WDFY3: variants seen among roughly 807,000 people sequenced by gnomAD.
The protein encoded by WDFY3 is WD repeat and FYVE domain containing 3.
A neutral mutation model predicts 409.6 loss-of-function variants in WDFY3; 66 were observed. The observed-to-expected ratio is 0.16, with a 90% confidence interval of 0.13 to 0.20. The LOEUF (loss-of-function observed/expected upper bound fraction) is 0.20, where lower values mean the gene tolerates loss of function less well. Among genes scored for constraint, WDFY3 ranks in the 10% least tolerant of loss-of-function variants. The pLI is 1.00. For missense variants in WDFY3, 3,031 were observed against 4,298.1 expected (o/e 0.71, Z 8.24); for synonymous variants, 1,521 against 1,537.1 (o/e 0.99, Z 0.25).
chr4:84,773,339 T>A (rs1242571520), intron 29 of WDFY3, among the ~76,000 whole-genome samples: 1 of 152,226 alleles, frequency 6.6e-6, no homozygotes, highest in East Asian at 1.9e-4. Context: ...AATTCTTTAA[T>A]GCACTAACAT....
rs557674836 is a variant in WDFY3 at position 84,679,406 on chromosome 4, G to A, written c.9824-164C>T. ...GTAAGTGCCAGGATTTTTGGCTAGA[G>A]TACAGAGAGCAAAGAAATAAAAAAG... is the stretch of plus-strand genomic sequence containing the variant. On this transcript the variant is annotated intron_variant, in intron 64 of 67. Transcript: ENST00000295888. 5.9e-5 allele frequency among the ~76,000 whole-genome samples: 9 copies of A among 152,274 alleles called. No individual in the cohort carries two copies. In the South Asian group the frequency reaches 1.9e-3, roughly 32 times the overall value.
At chr4:84,740,650 G>A (rs1329532985) in intron 38 of WDFY3, among the ~76,000 whole-genome samples, 1 of 152,128 alleles carries the variant, frequency 6.6e-6, no homozygotes, top group East Asian at 1.9e-4. Context: ...AGCTCCCAGG[G>A]AGGAGAGCCA....
chr4:84,816,058 T>G lies in WDFY3; in HGVS notation c.1887+1334A>C, dbSNP rs193020765. On this transcript the variant is annotated intron_variant, in intron 13 of 67. Coordinates refer to ENST00000295888, the MANE Select transcript of WDFY3 (RefSeq NM_014991.6). ...TTACTTAATTGCTTATTTTCTTTGA[T>G]CTCTTCTTTACTTTTTCAAGGCTAA... Among the ~76,000 whole-genome samples the G allele has an allele frequency of 2.7e-4, 41 of 152,254 alleles. 1 individual carries two copies. In the East Asian group the frequency reaches 7.7e-3, roughly 29 times the overall value.
intron 30 of WDFY3, among the ~76,000 whole-genome samples, chr4:84,768,865 A>T (rs938918983): frequency 2.0e-5 from 3 of 152,220 alleles, no homozygotes; most frequent in Non-Finnish European, 2.9e-5. Flanking sequence ...TGGCCAAAAT[A>T]AAGTAAATAT....
rs545648817 is a variant in WDFY3, at chr4:84,930,053, G to A, written c.-132+2217C>T. ...CTCACAGGCCTCAGGAGCCAACCCT[G>A]CAACACTGGCGTCAGACTTCCAGCA... On this transcript the variant is annotated intron_variant, in intron 2 of 67. Coordinates refer to ENST00000295888, the MANE Select transcript of WDFY3 (RefSeq NM_014991.6). Among the ~76,000 whole-genome samples, 18 of 152,228 alleles carry A rather than the reference G, an allele frequency of 1.2e-4. No individual in the cohort carries two copies. In the South Asian group the frequency reaches 3.5e-3, roughly 30 times the overall value.
At chr4:84,782,246 G>A (rs953451813) in intron 25 of WDFY3, among the ~76,000 whole-genome samples, 4 of 152,068 alleles carry the variant, frequency 2.6e-5, no homozygotes, top group Non-Finnish European at 5.9e-5. Context: ...ACCAAATCAT[G>A]AAACAATCAA....
At chr4:84,793,856 A>T (rs1748927665) in intron 21 of WDFY3, among the ~76,000 whole-genome samples, 1 of 152,232 alleles carries the variant, frequency 6.6e-6, no homozygotes, top group Non-Finnish European at 1.5e-5. Context: ...GTCAATTAAT[A>T]TGTGATATTA....
chr4:84,741,465 C>T (rs1214874013), intron 38 of WDFY3, among the ~76,000 whole-genome samples: 2 of 151,948 alleles, frequency 1.3e-5, no homozygotes, highest in African/African-American at 4.8e-5. Context: ...CAGGCGCGCA[C>T]CAACATGCCT....
intron 1 of WDFY3, among the ~76,000 whole-genome samples, chr4:84,938,827 T>C (rs1771756487): frequency 6.6e-6 from 1 of 152,140 alleles, no homozygotes; most frequent in Non-Finnish European, 1.5e-5. Flanking sequence ...ATACACTTTT[T>C]TTCCTGGAGC....
chr4:84,811,273 A>G (rs1752446839), intron 13 of WDFY3, among the ~76,000 whole-genome samples: 2 of 152,208 alleles, frequency 1.3e-5, no homozygotes. Flanking sequence ...TGCTGGGATT[A>G]CAGGCGTGAG....
intron 55 of WDFY3, among the ~76,000 whole-genome samples, chr4:84,703,655 A>C (rs1731443213): frequency 6.6e-6 from 1 of 152,164 alleles, no homozygotes. Context: ...GTATCTCCAG[A>C]TGTCTGCAGA....
At chr4:84,717,104 T>C in intron 48 of WDFY3, 88 bp from the exon 49 acceptor site, 1 of 1,367,342 alleles carries the variant, frequency 7.3e-7, no homozygotes, top group Non-Finnish European at 9.6e-7. Context: ...TTTAAACACA[T>C]GAACAGGATG....
At chr4:84,780,686 C>T (rs927440417) in intron 25 of WDFY3, among the ~76,000 whole-genome samples, 11 of 152,170 alleles carry the variant, frequency 7.2e-5, no homozygotes, top group African/African-American at 2.7e-4. Flanking sequence ...CTCACTTTAA[C>T]CTAGGAGTTG....
At chr4:84,823,443 C>A (rs937816735) in intron 10 of WDFY3, among the ~76,000 whole-genome samples, 3 of 151,762 alleles carry the variant, frequency 2.0e-5, no homozygotes, top group Admixed American at 2.0e-4. Context: ...AAATGAAAAA[C>A]TGGACTTCAT....
rs955211427 is a variant in WDFY3, at chr4:84,799,510, G to A, written c.2823-1402C>T. On this transcript the variant is annotated intron_variant, in intron 17 of 67. Transcript: ENST00000295888. The stretch of plus-strand genomic sequence containing the variant: ...CATTAACTGTCATTTCCTCCAGGAA[G>A]CCTGCTTTGAGTCACACTTCCAAAA... Among the ~76,000 whole-genome samples the A allele has an allele frequency of 3.3e-5, 5 of 152,076 alleles. No homozygotes were observed. The East Asian group carries it at 7.7e-4, about 24-fold the overall frequency.
At chr4:84,848,181 A>G (rs1011537351) in intron 5 of WDFY3, among the ~76,000 whole-genome samples, 1 of 151,926 alleles carries the variant, frequency 6.6e-6, no homozygotes. Flanking sequence ...ATGTATAAAA[A>G]TAGGTCTACC....
At chr4:84,961,483 T>C (rs142155004) in intron 1 of WDFY3, among the ~76,000 whole-genome samples, 65 of 152,290 alleles carry the variant, frequency 4.3e-4, no homozygotes, top group African/African-American at 1.4e-3. Flanking sequence ...TTTAAAATGG[T>C]TCATTTTTTA....
In WDFY3 at chr4:84,757,098, C is replaced by G; in HGVS notation, c.5252G>C (p.Cys1751Ser). ...AAGGACTGGAAAACCAGGAAAATGA[C>G]AAGCATCTCGGTTAATCTCCCTGAC... ...STVREINRDACHFPGFPVLQS... is the reference protein window; with the variant it reads ...STVREINRDASHFPGFPVLQS... The change falls in exon 33 of 68, where the codon TGT becomes TCT. Residue 1751 changes from cysteine (C) to serine (S), a missense_variant. Transcript: ENST00000295888. 1 of 1,614,046 alleles carries G rather than the reference C, an allele frequency of 6.2e-7. No homozygotes were observed. Among genetic ancestry groups the G allele is most frequent in the African/African-American group, 1.3e-5 (1 of 75,018 alleles).
chr4:84,930,547 C>A (rs1416547781), intron 2 of WDFY3, among the ~76,000 whole-genome samples: 1 of 152,180 alleles, frequency 6.6e-6, no homozygotes, highest in Non-Finnish European at 1.5e-5. Context: ...TTGAGGTGCA[C>A]AGAGAAAAAG....
Sources: allele counts gnomAD v4.1 joint callset (sites outside exome capture counted in the v4.1 genomes callset), GRCh38; gene constraint gnomAD v4.1.1; transcripts MANE v1.5; gene names NCBI Gene and HGNC (gene_info 2026-07-23, HGNC 2026-07-21).